Variants in RTN1 observed in about 807,000 individuals in gnomAD.
The protein encoded by RTN1 is reticulon-1.
RTN1 carries 25 observed loss-of-function variants against 65.5 expected under a neutral mutation model. That is an observed-to-expected ratio of 0.38 (90% confidence interval 0.28 to 0.53). The LOEUF (loss-of-function observed/expected upper bound fraction) is 0.53. RTN1 is among the 20% of genes least tolerant of loss of function. The probability of loss-of-function intolerance (pLI) is 0.79; values close to 1 mark genes in which losing one functional copy is unlikely to be tolerated. For missense variants in RTN1, 983 were observed against 1,025.4 expected, an observed-to-expected ratio of 0.96 and a Z score of 0.57; for synonymous variants, 471 against 447.6, an observed-to-expected ratio of 1.05 and a Z score of -0.66.
intron 3 of RTN1, among the ~76,000 whole-genome samples, chr14:59,686,310 C>T (rs1555355385): frequency 6.6e-6 from 1 of 151,530 alleles, no homozygotes; most frequent in Non-Finnish European, 1.5e-5. Flanking sequence ...CAAACAAAAA[C>T]AAAAAAATGA....
intron 3 of RTN1, among the ~76,000 whole-genome samples, chr14:59,671,252 A>C (rs1883497838): frequency 6.6e-6 from 1 of 152,196 alleles, no homozygotes; most frequent in Admixed American, 6.5e-5. Context: ...AAAAAATTAT[A>C]GTTTTACCAT....
At position 59,803,965 on chromosome 14, in the gene RTN1, C is replaced by T. The variant is rs930548040; in HGVS notation, c.242-57484G>A. ...GTACAAAGCATTCCCACATGCTGTA[C>T]GTCAGTTTCCTCTCTTGTTAACATC... is the stretch of plus-strand genomic sequence containing the variant. On this transcript the variant is annotated intron_variant, in intron 1 of 8. Coordinates refer to ENST00000267484, the MANE Select transcript of RTN1 (RefSeq NM_021136.3). The surrounding 1 kb of genome is among the most constrained non-coding windows in gnomAD (Gnocchi z 5.6). Among the ~76,000 whole-genome samples the T allele has an allele frequency of 1.3e-5, 2 of 152,144 alleles. No individual in the cohort carries two copies. The highest frequency in any genetic ancestry group is 4.8e-5 in the African/African-American group (2 of 41,408).
chr14:59,749,414 ATATATC>A (rs1206608051), intron 1 of RTN1, among the ~76,000 whole-genome samples: 1 of 38,718 alleles, frequency 2.6e-5, no homozygotes, highest in Admixed American at 4.1e-4. Flanking sequence ...CTATATCTAT[ATATATC>A]TATATATCTA....
chr14:59,775,687 T>C (rs1362035520), intron 1 of RTN1, among the ~76,000 whole-genome samples: 1 of 152,176 alleles, frequency 6.6e-6, no homozygotes. Flanking sequence ...AGCAAGATGA[T>C]ACATCTCCAG....
At chr14:59,651,366 C>T (rs901090235) in intron 3 of RTN1, among the ~76,000 whole-genome samples, 6 of 152,132 alleles carry the variant, frequency 3.9e-5, no homozygotes, top group African/African-American at 1.2e-4. Context: ...CCCTTGCTTA[C>T]ACCATATACA....
At chr14:59,661,259 CAAAAAAAAA>C (rs768483248) in intron 3 of RTN1, among the ~76,000 whole-genome samples, 5 of 83,400 alleles carry the variant, frequency 6.0e-5, no homozygotes, top group Admixed American at 3.3e-4. Context: ...GCCTACCAAC[CAAAAAAAAA>C]AAAAAAAAAA....
At chr14:59,666,594 G>T (rs1388734852) in intron 3 of RTN1, among the ~76,000 whole-genome samples, 1 of 151,886 alleles carries the variant, frequency 6.6e-6, no homozygotes. Flanking sequence ...TAAGATCAGA[G>T]CACAGCTGAA....
chr14:59,841,479 C>T (rs35656161), intron 1 of RTN1, among the ~76,000 whole-genome samples: 37,950 of 151,868 alleles, frequency 0.25, 5,025 homozygotes, highest in East Asian at 0.55. Flanking sequence ...GCGGATCACT[C>T]GAGGTCAGGA....
chr14:59,600,483 A>G (rs188012533), intron 8 of RTN1, among the ~76,000 whole-genome samples: 215 of 152,316 alleles, frequency 1.4e-3, no homozygotes, highest in African/African-American at 5.0e-3. Context: ...GTCTGATTCT[A>G]ACAATCATGT....
At chr14:59,695,153 G>T (rs1044885739) in intron 3 of RTN1, among the ~76,000 whole-genome samples, 1 of 152,158 alleles carries the variant, frequency 6.6e-6, no homozygotes, top group Non-Finnish European at 1.5e-5. Flanking sequence ...GATGGGGTGA[G>T]GGTGGTAGGT....
intron 5 of RTN1, 21 bp from the exon 6 acceptor site, chr14:59,603,942 T>C: frequency 6.2e-7 from 1 of 1,602,320 alleles, no homozygotes; most frequent in South Asian, 1.1e-5. Flanking sequence ...AAAGCATTAT[T>C]AGAGCTCCTA....
chr14:59,861,214 G>A lies in RTN1; in HGVS notation c.241+9176C>T, dbSNP rs532747371. ...CCAGCGGGAGGTAATTGAATCATGG[G>A]GCAGGTCTTTTCCATGCTGTTCTCA... On this transcript the variant is annotated intron_variant, in intron 1 of 8. Transcript: ENST00000267484. Among the ~76,000 whole-genome samples, 9 of 152,222 alleles carry A rather than the reference G, an allele frequency of 5.9e-5. No homozygotes were observed. The South Asian group carries it at 1.9e-3, about 32-fold the overall frequency.
chr14:59,718,163 C>T (rs73311555), intron 3 of RTN1, among the ~76,000 whole-genome samples: 2,881 of 152,282 alleles, frequency 0.019, 95 homozygotes, highest in African/African-American at 0.066. Flanking sequence ...CTTTGCCTGG[C>T]CAAGAGGACC....
intron 3 of RTN1, among the ~76,000 whole-genome samples, chr14:59,724,950 C>CA (rs1884727035): frequency 6.6e-6 from 1 of 152,128 alleles, no homozygotes; most frequent in Admixed American, 6.5e-5. Context: ...GACTAGATTT[C>CA]AAAGGACCCC....
At chr14:59,778,971 G>A (rs888409230) in intron 1 of RTN1, among the ~76,000 whole-genome samples, 1 of 152,134 alleles carries the variant, frequency 6.6e-6, no homozygotes. Flanking sequence ...TTAATCAAGG[G>A]AGATCTGACC....
At chr14:59,757,151 C>G (rs1008097010) in intron 1 of RTN1, among the ~76,000 whole-genome samples, 1 of 152,102 alleles carries the variant, frequency 6.6e-6, no homozygotes, top group African/African-American at 2.4e-5. Context: ...GTGTTAATAT[C>G]CTAACCCCAA....
At chr14:59,808,316 CTTAACT>C (rs1297284500) in intron 1 of RTN1, among the ~76,000 whole-genome samples, 1 of 152,136 alleles carries the variant, frequency 6.6e-6, no homozygotes, top group Non-Finnish European at 1.5e-5. Context: ...TTAAGATTCC[CTTAACT>C]TTGTCTTTAT....
chr14:59,602,000 C>T (rs988753562), intron 8 of RTN1, among the ~76,000 whole-genome samples: 3 of 152,140 alleles, frequency 2.0e-5, no homozygotes, highest in African/African-American at 7.2e-5. Flanking sequence ...TGTTGTAGAT[C>T]TCTCAAAGAT....
At chr14:59,865,729 G>A (rs535232060) in intron 1 of RTN1, among the ~76,000 whole-genome samples, 1 of 152,276 alleles carries the variant, frequency 6.6e-6, no homozygotes, top group South Asian at 2.1e-4. Context: ...AGATACGTTT[G>A]TCTCTTGAAA....
Sources: allele counts gnomAD v4.1 joint callset (sites outside exome capture counted in the v4.1 genomes callset), GRCh38; gene constraint gnomAD v4.1.1; non-coding constraint Gnocchi (gnomAD v3.1); transcripts MANE v1.5; gene names NCBI Gene and HGNC (gene_info 2026-07-23, HGNC 2026-07-21).